The following EPHB1 variants were observed in gnomAD, a reference collection of about 807,000 sequenced individuals.
EPHB1 encodes EPH receptor B1.
A neutral mutation model predicts 94.4 loss-of-function variants in EPHB1; 30 were observed. The ratio of observed to expected loss-of-function variants is 0.32; its 90% confidence interval spans 0.24 to 0.43. The LOEUF is 0.43. Among genes scored for constraint, EPHB1 ranks in the 20% least tolerant of loss-of-function variants. The probability of loss-of-function intolerance (pLI) is 1.00; values close to 1 mark genes in which losing one functional copy is unlikely to be tolerated. For synonymous variants in EPHB1, 522 were observed against 489.1 expected, an observed-to-expected ratio of 1.07 and a Z score of -0.89; for missense variants, 1,055 against 1,308.3, an observed-to-expected ratio of 0.81 and a Z score of 2.99.
At chr3:135,108,769 T>A (rs768759737) in intron 4 of EPHB1, among the ~76,000 whole-genome samples, 1 of 152,210 alleles carries the variant, frequency 6.6e-6, no homozygotes, top group Non-Finnish European at 1.5e-5. Flanking sequence ...TTCCCAGTAC[T>A]TGCTCATATC....
At chr3:135,202,032 C>G (rs923272270) in intron 12 of EPHB1, among the ~76,000 whole-genome samples, 9 of 152,032 alleles carry the variant, frequency 5.9e-5, no homozygotes, top group African/African-American at 2.2e-4. Context: ...GAGAGCAGAC[C>G]CCAGGCATGC....
intron 2 of EPHB1, among the ~76,000 whole-genome samples, chr3:134,948,701 T>TG (rs2039263014): frequency 6.6e-6 from 1 of 152,256 alleles, no homozygotes; most frequent in Non-Finnish European, 1.5e-5. Flanking sequence ...GTCCATGTGC[T>TG]GGGCACAAGG....
At chr3:135,155,100 C>G (rs1197702130) in intron 6 of EPHB1, among the ~76,000 whole-genome samples, 1 of 152,256 alleles carries the variant, frequency 6.6e-6, no homozygotes, top group East Asian at 1.9e-4. Flanking sequence ...CTTTGAGGAG[C>G]TTACTTTCCA....
chr3:134,959,915 G>C (rs907085300), intron 3 of EPHB1, among the ~76,000 whole-genome samples: 2 of 140,382 alleles, frequency 1.4e-5, no homozygotes, highest in African/African-American at 5.3e-5. Context: ...CCCATCTCTT[G>C]CTGTGGCTGG....
intron 3 of EPHB1, among the ~76,000 whole-genome samples, chr3:135,013,369 T>C (rs188892109): frequency 4.6e-5 from 7 of 152,328 alleles, no homozygotes; most frequent in Admixed American, 1.3e-4. Flanking sequence ...GTAGAGTCAT[T>C]GCCTGCCTGT....
intron 9 of EPHB1, among the ~76,000 whole-genome samples, chr3:135,167,613 C>T (rs1404460769): frequency 6.6e-6 from 1 of 152,138 alleles, no homozygotes; most frequent in Non-Finnish European, 1.5e-5. Flanking sequence ...ATAAAGTTCC[C>T]TGTCACACTC....
intron 3 of EPHB1, among the ~76,000 whole-genome samples, chr3:134,962,010 A>G (rs894818852): frequency 2.6e-5 from 4 of 152,234 alleles, no homozygotes; most frequent in South Asian, 2.1e-4. Flanking sequence ...AAAATTGCTG[A>G]ATAAGAATAT....
chr3:135,118,798 T>G (rs1353358699), intron 4 of EPHB1, among the ~76,000 whole-genome samples: 1 of 152,160 alleles, frequency 6.6e-6, no homozygotes, highest in Non-Finnish European at 1.5e-5. Context: ...CCCTACCGAG[T>G]ATACAGTTCC....
At chr3:135,030,860 G>T (rs1156425905) in intron 3 of EPHB1, among the ~76,000 whole-genome samples, 1 of 152,154 alleles carries the variant, frequency 6.6e-6, no homozygotes, top group Non-Finnish European at 1.5e-5. Context: ...AGACTGCTGT[G>T]CTAGCAATCA....
chr3:134,882,765 C>CCTTCCTTTCTTCTTTCTTTCTTTCTTT (rs1553861897), intron 1 of EPHB1, among the ~76,000 whole-genome samples: 1 of 79,882 alleles, frequency 1.3e-5, no homozygotes, highest in Non-Finnish European at 2.6e-5. Context: ...TTCCTTCCTT[C>CCTTCCTTTCTTCTTTCTTTCTTTCTTT]CTTTCTTTCT....
At chr3:135,215,765 C>G (rs530182519) in intron 12 of EPHB1, among the ~76,000 whole-genome samples, 1 of 152,274 alleles carries the variant, frequency 6.6e-6, no homozygotes, top group East Asian at 1.9e-4. Context: ...CTGCTAGGCC[C>G]CACCCAAGAG....
At chr3:134,861,202 G>A (rs1184583666) in intron 1 of EPHB1, among the ~76,000 whole-genome samples, 2 of 152,132 alleles carry the variant, frequency 1.3e-5, no homozygotes, top group African/African-American at 2.4e-5. Context: ...CATTAGTGTT[G>A]GGGGGCAGGA....
intron 1 of EPHB1, among the ~76,000 whole-genome samples, chr3:134,872,173 C>T (rs987780175): frequency 6.6e-6 from 1 of 152,218 alleles, no homozygotes; most frequent in Non-Finnish European, 1.5e-5. Context: ...CCTCTCACAA[C>T]AAATTGACAA....
intron 5 of EPHB1, 101 bp from the exon 6 acceptor site, chr3:135,154,051 C>G (rs1046098657): frequency 1.3e-6 from 2 of 1,511,578 alleles, no homozygotes; most frequent in Admixed American, 3.6e-5. Flanking sequence ...GAGCAGAGTT[C>G]AAGCCGAATG....
intron 10 of EPHB1, among the ~76,000 whole-genome samples, chr3:135,189,897 T>C (rs751845706): frequency 6.6e-6 from 1 of 152,252 alleles, no homozygotes; most frequent in Non-Finnish European, 1.5e-5. Flanking sequence ...ATCTGCCTGT[T>C]AAACAGTATC....
chr3:134,841,053 C>T (rs1198306646), intron 1 of EPHB1, among the ~76,000 whole-genome samples: 2 of 152,196 alleles, frequency 1.3e-5, no homozygotes, highest in Non-Finnish European at 1.5e-5. Flanking sequence ...TCCCTGGTTT[C>T]CCTCCTTCTC....
chr3:135,253,772 G>A (rs1261984433), intron 15 of EPHB1, among the ~76,000 whole-genome samples: 1 of 151,496 alleles, frequency 6.6e-6, no homozygotes, highest in Non-Finnish European at 1.5e-5. Context: ...AGCTTGATGG[G>A]GATGGCATTG....
intron 1 of EPHB1, among the ~76,000 whole-genome samples, chr3:134,905,470 G>C (rs961717629): frequency 6.6e-6 from 1 of 152,222 alleles, no homozygotes; most frequent in Non-Finnish European, 1.5e-5. Context: ...TTGCCAACCA[G>C]GGGGCAGGGC....
At chr3:135,034,674 G>A (rs1159195223) in intron 3 of EPHB1, among the ~76,000 whole-genome samples, 1 of 152,256 alleles carries the variant, frequency 6.6e-6, no homozygotes, top group African/African-American at 2.4e-5. Context: ...GTCCTGCCAT[G>A]TGGCTGTGCC....
Sources: allele counts gnomAD v4.1 joint callset (sites outside exome capture counted in the v4.1 genomes callset), GRCh38; gene constraint gnomAD v4.1.1; transcripts MANE v1.5; gene names NCBI Gene and HGNC (gene_info 2026-07-23, HGNC 2026-07-21).